The following PARD3B variants were observed in gnomAD, a reference collection of about 807,000 sequenced individuals.
PARD3B encodes the protein partitioning defective 3 homolog B.
A neutral mutation model predicts 130.2 loss-of-function variants in PARD3B; 103 were observed. That is an observed-to-expected ratio of 0.79 (90% CI 0.67 to 0.93). PARD3B has a LOEUF of 0.93. PARD3B is among the 40% of genes least tolerant of loss of function. The pLI is 0.00. For synonymous variants in PARD3B, 583 were observed against 553.2 expected (o/e 1.05, Z -0.76); for missense variants, 1,609 against 1,499.2 (o/e 1.07, Z -1.21).
At chr2:204,752,188 T>G (rs1033596221) in intron 2 of PARD3B, among the ~76,000 whole-genome samples, 1 of 152,196 alleles carries the variant, frequency 6.6e-6, no homozygotes, top group African/African-American at 2.4e-5. Flanking sequence ...TCTTTAAAAG[T>G]GTGGATTTTG....
intron 16 of PARD3B, among the ~76,000 whole-genome samples, chr2:205,246,265 A>T (rs2039568624): frequency 6.6e-6 from 1 of 151,132 alleles, no homozygotes; most frequent in Admixed American, 6.6e-5. Flanking sequence ...CCTGTCATCA[A>T]AATGGATTGT....
chr2:204,677,136 G>T lies in PARD3B; in HGVS notation c.121-9045G>T, dbSNP rs2036590674. ...CATTTAACTCTCTGCTGTTACCTCT[G>T]TTGTCTCAGTTCTCATGTACTTATT... On this transcript the variant is annotated intron_variant, in intron 1 of 22. Transcript: ENST00000406610. This position sits in a 1 kb window ranked among gnomAD's most constrained non-coding sequence, Gnocchi z 4.1. 6.6e-6 allele frequency among the ~76,000 whole-genome samples: 1 copy of T among 152,120 alleles called. No individual in the cohort carries two copies. The highest frequency in any genetic ancestry group is 2.1e-4 in the South Asian group (1 of 4,826).
At chr2:205,233,591 G>A (rs1037020661) in intron 15 of PARD3B, among the ~76,000 whole-genome samples, 1 of 152,002 alleles carries the variant, frequency 6.6e-6, no homozygotes. Context: ...GCTGTGAGGG[G>A]AGACATTGAA....
intron 3 of PARD3B, among the ~76,000 whole-genome samples, chr2:204,991,031 G>C (rs886653479): frequency 1.3e-5 from 2 of 151,066 alleles, no homozygotes; most frequent in Non-Finnish European, 2.9e-5. Flanking sequence ...TAGTATTTCT[G>C]TGTCTGCTTC....
At chr2:204,592,207 T>A (rs1238673627) in intron 1 of PARD3B, among the ~76,000 whole-genome samples, 1 of 152,230 alleles carries the variant, frequency 6.6e-6, no homozygotes, top group Admixed American at 6.5e-5. Flanking sequence ...CTTTACAAAA[T>A]GCTAGACAAA....
At chr2:204,574,179 A>G (rs1390902646) in intron 1 of PARD3B, among the ~76,000 whole-genome samples, 2 of 152,156 alleles carry the variant, frequency 1.3e-5, no homozygotes, top group Non-Finnish European at 2.9e-5. Context: ...AAGAACCATG[A>G]TATCAGAAAG....
At chr2:204,875,888 C>A (rs2045822715) in intron 2 of PARD3B, among the ~76,000 whole-genome samples, 1 of 152,266 alleles carries the variant, frequency 6.6e-6, no homozygotes, top group East Asian at 1.9e-4. Flanking sequence ...AACATCTGTA[C>A]AGGGTGAATC....
intron 20 of PARD3B, among the ~76,000 whole-genome samples, chr2:205,497,719 T>C (rs1451089425): frequency 6.6e-6 from 1 of 152,124 alleles, no homozygotes; most frequent in African/African-American, 2.4e-5. Flanking sequence ...AGTTCATGAC[T>C]TTCTGGACTT....
chr2:205,009,157 T>C (rs1695508470), intron 3 of PARD3B, among the ~76,000 whole-genome samples: 1 of 152,204 alleles, frequency 6.6e-6, no homozygotes, highest in Non-Finnish European at 1.5e-5. Flanking sequence ...TTAAGGAAAT[T>C]GAGACATTTG....
intron 1 of PARD3B, among the ~76,000 whole-genome samples, chr2:204,662,618 C>T (rs1013406057): frequency 5.3e-5 from 8 of 152,034 alleles, no homozygotes; most frequent in African/African-American, 1.4e-4. Flanking sequence ...ATTAAAGATA[C>T]GTAAGTTCAA....
chr2:205,327,765 A>G (rs1431487284), intron 18 of PARD3B, among the ~76,000 whole-genome samples: 1 of 152,230 alleles, frequency 6.6e-6, no homozygotes, highest in Non-Finnish European at 1.5e-5. Flanking sequence ...ATTAAATAAT[A>G]CAGTGAATGT....
chr2:205,383,138 A>ATC (rs1574874496), intron 18 of PARD3B, among the ~76,000 whole-genome samples: 99 of 138,530 alleles, frequency 7.1e-4, no homozygotes, highest in East Asian at 2.4e-3. Flanking sequence ...ATAGATAGAT[A>ATC]GATCGATCTA....
intron 3 of PARD3B, among the ~76,000 whole-genome samples, 197 bp downstream of exon 3, chr2:204,965,520 T>G (rs1408367864): frequency 6.6e-6 from 1 of 152,132 alleles, no homozygotes; most frequent in Non-Finnish European, 1.5e-5. Flanking sequence ...TTTCTTGAAC[T>G]GAAGGTGAAG....
intron 2 of PARD3B, among the ~76,000 whole-genome samples, chr2:204,720,739 C>G (rs2038960064): frequency 6.6e-6 from 1 of 152,100 alleles, no homozygotes; most frequent in Non-Finnish European, 1.5e-5. Context: ...CCTGTTATAT[C>G]AGGTTATGTG....
chr2:205,232,195 A>T (rs1208265599), intron 15 of PARD3B, among the ~76,000 whole-genome samples: 1 of 152,212 alleles, frequency 6.6e-6, no homozygotes, highest in Non-Finnish European at 1.5e-5. Context: ...CATGCCTGTA[A>T]TTCCAACATT....
chr2:204,811,730 C>T lies in PARD3B; in HGVS notation c.222+125448C>T, dbSNP rs1456213482. 2.6e-5 allele frequency among the ~76,000 whole-genome samples: 4 copies of T among 152,208 alleles called. No homozygotes were observed. The East Asian group carries it at 7.7e-4, about 29-fold the overall frequency. ...AATATGCAGTTGTTAACTCCTATAT[C>T]CTCTTTCTCTTACTGTCAATCTCTA... On this transcript the variant is annotated intron_variant, in intron 2 of 22. Transcript: ENST00000406610.
At chr2:205,166,850 A>G (rs1464924952) in intron 11 of PARD3B, among the ~76,000 whole-genome samples, 1 of 152,054 alleles carries the variant, frequency 6.6e-6, no homozygotes, top group African/African-American at 2.4e-5. Flanking sequence ...GGGACCTGGG[A>G]GTTGATAATA....
In PARD3B at chr2:205,046,252, G is replaced by GT. The variant is rs1041890140; in HGVS notation, c.395-1317dup. Among the ~76,000 whole-genome samples, 232 of 146,062 alleles carry GT rather than the reference G, an allele frequency of 1.6e-3. 2 individuals carry two copies. Among genetic ancestry groups the GT allele is most frequent in the Middle Eastern group, 0.014 (4 of 286 alleles). ...ACTTTTTCTTGCTTCTACTCTTCTT[G>GT]TTTTTTTTTTTTAAAAATGTTTTAT... On this transcript the variant is annotated intron_variant, in intron 3 of 22. Coordinates refer to ENST00000406610, the MANE Select transcript of PARD3B (RefSeq NM_001302769.2).
chr2:204,724,621 G>A (rs1328194926), intron 2 of PARD3B, among the ~76,000 whole-genome samples: 3 of 152,096 alleles, frequency 2.0e-5, no homozygotes, highest in Non-Finnish European at 4.4e-5. Context: ...AATAATAGGT[G>A]TGCTGCATAA....
Sources: allele counts gnomAD v4.1 joint callset (sites outside exome capture counted in the v4.1 genomes callset), GRCh38; gene constraint gnomAD v4.1.1; non-coding constraint Gnocchi (gnomAD v3.1); transcripts MANE v1.5; gene names NCBI Gene and HGNC (gene_info 2026-07-23, HGNC 2026-07-21).